Variants in FARS2 observed in about 807,000 individuals in gnomAD.
The protein encoded by FARS2 is phenylalanyl-tRNA synthetase 2, mitochondrial, also known as phenylalanine--tRNA ligase, mitochondrial.
Under a neutral mutation model 46.4 loss-of-function variants are expected in FARS2, and 40 were observed. That is an observed-to-expected ratio of 0.86 (90% CI 0.67 to 1.12). The LOEUF (loss-of-function observed/expected upper bound fraction) is 1.12. Among genes scored for constraint, FARS2 ranks in the 50% most tolerant of loss-of-function variants. The probability of loss-of-function intolerance (pLI) is 0.00; values close to 1 mark genes in which losing one functional copy is unlikely to be tolerated. For missense variants in FARS2, 513 were observed against 567.9 expected, an observed-to-expected ratio of 0.90 and a Z score of 0.98; for synonymous variants, 234 against 214.9, an observed-to-expected ratio of 1.09 and a Z score of -0.78.
At chr6:5,534,828 C>T (rs552722415) in intron 4 of FARS2, among the ~76,000 whole-genome samples, 13 of 151,106 alleles carry the variant, frequency 8.6e-5, no homozygotes, top group East Asian at 5.8e-4. Context: ...CACATGCACG[C>T]ACACACACGC....
At chr6:5,594,437 C>T (rs1224361288) in intron 5 of FARS2, among the ~76,000 whole-genome samples, 1 of 152,204 alleles carries the variant, frequency 6.6e-6, no homozygotes, top group African/African-American at 2.4e-5. Context: ...TTCTCCCTTC[C>T]TTCTTTGCCG....
At chr6:5,432,527 A>ATATTT (rs1554184676) in intron 4 of FARS2, among the ~76,000 whole-genome samples, 6 of 49,396 alleles carry the variant, frequency 1.2e-4, no homozygotes, top group African/African-American at 3.8e-4. Flanking sequence ...ATATATATAT[A>ATATTT]TTTTTTTTTT....
rs111684368 is a variant in FARS2 at position 5,570,622 on chromosome 6, G to A, written c.1065+25282G>A. Among the ~76,000 whole-genome samples, 1,228 of 152,222 alleles carry A rather than the reference G, an allele frequency of 8.1e-3. 14 individuals are homozygous for A. The highest frequency in any genetic ancestry group is 0.028 in the African/African-American group (1,182 of 41,522). On this transcript the variant is annotated intron_variant, in intron 5 of 6. Coordinates refer to ENST00000274680, the MANE Select transcript of FARS2 (RefSeq NM_006567.5). Reference sequence around the variant, plus strand: ...ACAGAAAATTGTATTACGCCATTTAGCCTTTTTAAAGAAAAAAAGAGAGAA... The same window carrying A: ...ACAGAAAATTGTATTACGCCATTTAACCTTTTTAAAGAAAAAAAGAGAGAA...
chr6:5,259,343 A>G (rs186550368), upstream of FARS2, among the ~76,000 whole-genome samples: 3 of 142,680 alleles, frequency 2.1e-5, no homozygotes, highest in East Asian at 6.0e-4. Context: ...ATTCTTGCTA[A>G]AATTCCACCA....
intron 5 of FARS2, among the ~76,000 whole-genome samples, chr6:5,577,705 G>A (rs996572028): frequency 3.3e-5 from 5 of 152,108 alleles, no homozygotes; most frequent in South Asian, 2.1e-4. Context: ...ACATAGATCC[G>A]GAAAGTGGGA....
chr6:5,334,069 A>G (rs906491316), intron 1 of FARS2, among the ~76,000 whole-genome samples: 4 of 152,220 alleles, frequency 2.6e-5, no homozygotes, highest in South Asian at 2.1e-4. Context: ...CTCTGGCTTC[A>G]TACATTTAAA....
At chr6:5,352,046 T>G (rs545987707) in intron 1 of FARS2, among the ~76,000 whole-genome samples, 1 of 152,296 alleles carries the variant, frequency 6.6e-6, no homozygotes, top group African/African-American at 2.4e-5. Flanking sequence ...GCCCGTGGCC[T>G]GTAGGCAGCC....
intron 6 of FARS2, among the ~76,000 whole-genome samples, chr6:5,654,000 CTGTG>C: frequency 6.6e-6 from 1 of 152,218 alleles, no homozygotes; most frequent in African/African-American, 2.4e-5. Flanking sequence ...GGCATGGGTG[CTGTG>C]TGTAAGTATA....
At chr6:5,692,963 T>C (rs1439917938) in intron 6 of FARS2, among the ~76,000 whole-genome samples, 3 of 152,214 alleles carry the variant, frequency 2.0e-5, no homozygotes, top group Non-Finnish European at 2.9e-5. Context: ...GAAATGAGGA[T>C]CCTTATAGAT....
At chr6:5,454,444 C>G (rs555439007) in intron 4 of FARS2, among the ~76,000 whole-genome samples, 2 of 151,900 alleles carry the variant, frequency 1.3e-5, no homozygotes. Flanking sequence ...CAGGTTCAAG[C>G]GATTCTCCTG....
At position 5,390,725 on chromosome 6, in the gene FARS2, G is replaced by T. The variant is rs995513335; in HGVS notation, c.613-13817G>T. On this transcript the variant is annotated intron_variant, in intron 2 of 6. Coordinates refer to ENST00000274680, the MANE Select transcript of FARS2 (RefSeq NM_006567.5). ...ATTCCCTTAGTTTAAGAGGAAAGGG[G>T]CTGAGATAACCAGTGTCAAGCCCGG... Among the ~76,000 whole-genome samples the T allele has an allele frequency of 2.0e-5, 3 of 152,140 alleles. No individual in the cohort carries two copies. The East Asian group carries it at 5.8e-4, about 29-fold the overall frequency.
chr6:5,520,997 G>A (rs746771977), intron 4 of FARS2, among the ~76,000 whole-genome samples: 28 of 152,306 alleles, frequency 1.8e-4, no homozygotes, highest in African/African-American at 5.3e-4. Flanking sequence ...AAGAGTGATA[G>A]TCTTGTTCCT....
intron 6 of FARS2, among the ~76,000 whole-genome samples, chr6:5,726,296 G>A (rs996465400): frequency 5.9e-5 from 9 of 152,128 alleles, no homozygotes; most frequent in Admixed American, 5.2e-4. Flanking sequence ...AATTTGCAGC[G>A]CCTCACTCCC....
intron 5 of FARS2, among the ~76,000 whole-genome samples, chr6:5,548,805 A>C (rs376831922): frequency 6.6e-6 from 1 of 152,200 alleles, no homozygotes; most frequent in Non-Finnish European, 1.5e-5. Context: ...GAAAGCCAAT[A>C]TATGCATACC....
chr6:5,662,365 C>T (rs868857597), intron 6 of FARS2, among the ~76,000 whole-genome samples: 2 of 152,126 alleles, frequency 1.3e-5, no homozygotes, highest in Non-Finnish European at 2.9e-5. Context: ...TTATGAAATC[C>T]AACCATCATT....
intron 4 of FARS2, among the ~76,000 whole-genome samples, chr6:5,453,348 T>C (rs1280049968): frequency 6.6e-6 from 1 of 152,246 alleles, no homozygotes; most frequent in East Asian, 1.9e-4. Context: ...GATTTGGATT[T>C]CAGCTGCCTA....
chr6:5,306,941 TA>T (rs146240664), intron 1 of FARS2, among the ~76,000 whole-genome samples: 10 of 149,446 alleles, frequency 6.7e-5, no homozygotes, highest in African/African-American at 4.9e-5. Flanking sequence ...TCTGAAAAAC[TA>T]AAAAAAAAAT....
chr6:5,752,176 C>A (rs1761984653), intron 6 of FARS2, among the ~76,000 whole-genome samples: 1 of 152,288 alleles, frequency 6.6e-6, no homozygotes, highest in East Asian at 1.9e-4. Flanking sequence ...CTCTGTTTCT[C>A]CCCCGCCCCC....
At chr6:5,724,234 C>T (rs114493240) in intron 6 of FARS2, among the ~76,000 whole-genome samples, 2,568 of 152,328 alleles carry the variant, frequency 0.017, 82 homozygotes, top group African/African-American at 0.059. Context: ...AGAGGGCAAC[C>T]ACCGGTGCCC....
Sources: allele counts gnomAD v4.1 joint callset (sites outside exome capture counted in the v4.1 genomes callset), GRCh38; gene constraint gnomAD v4.1.1; transcripts MANE v1.5; gene names NCBI Gene and HGNC (gene_info 2026-07-23, HGNC 2026-07-21).